Variants in PTPRK observed in about 807,000 individuals in gnomAD.
PTPRK encodes protein tyrosine phosphatase receptor type K, also known as receptor-type tyrosine-protein phosphatase kappa.
In PTPRK, 75 loss-of-function variants were observed where a neutral mutation model predicts 178.0. The observed-to-expected ratio is 0.42, with a 90% confidence interval of 0.35 to 0.51. The LOEUF (loss-of-function observed/expected upper bound fraction) is 0.51. Among genes scored for constraint, PTPRK ranks in the 20% least tolerant of loss-of-function variants. The probability of loss-of-function intolerance (pLI) is 0.02; values close to 1 mark genes in which losing one functional copy is unlikely to be tolerated. For missense variants in PTPRK, 1,441 were observed against 1,797.8 expected (o/e 0.80, Z 3.59); for synonymous variants, 637 against 620.6 (o/e 1.03, Z -0.39).
chr6:128,092,290 A>G (rs889199390), intron 7 of PTPRK, among the ~76,000 whole-genome samples: 7 of 152,198 alleles, frequency 4.6e-5, no homozygotes, highest in Non-Finnish European at 1.0e-4. Flanking sequence ...TGTTGATAAA[A>G]TAGTGACTTA....
intron 3 of PTPRK, among the ~76,000 whole-genome samples, chr6:128,289,126 A>G (rs1488631834): frequency 1.3e-5 from 2 of 152,110 alleles, no homozygotes; most frequent in Admixed American, 1.3e-4. Context: ...AAGTTCTACT[A>G]AAGATATGGA....
At chr6:128,070,478 A>C (rs959410861) in intron 11 of PTPRK, among the ~76,000 whole-genome samples, 1 of 152,084 alleles carries the variant, frequency 6.6e-6, no homozygotes, top group East Asian at 1.9e-4. Flanking sequence ...ACTGTGAGAA[A>C]TATTTCTTGT....
Position 128,184,466 on chromosome 6 carries a change from T to G in PTPRK, c.1128A>C (p.Pro376=). The G allele has an allele frequency of 6.2e-7, 1 of 1,613,698 alleles. No homozygotes were observed. Among genetic ancestry groups the G allele is most frequent in the Non-Finnish European group, 8.5e-7 (1 of 1,179,782 alleles). The part of the protein sequence containing the change: ...TRPGEGGTGL[P]GPPLITRTKC... ...TTGTTCTGGTGATTAGTGGAGGTCCTGGGAGCCCCGTTCCACCTTCACCAG... is the reference window on the plus strand; with the variant it reads ...TTGTTCTGGTGATTAGTGGAGGTCCGGGGAGCCCCGTTCCACCTTCACCAG... The change falls in exon 7 of 30, where the codon CCA becomes CCC. Residue 376 remains proline (P), a synonymous_variant. Transcript: ENST00000368226.
chr6:128,366,053 C>G (rs1460605229), intron 2 of PTPRK, among the ~76,000 whole-genome samples: 1 of 152,196 alleles, frequency 6.6e-6, no homozygotes, highest in South Asian at 2.1e-4. Context: ...GACAGATAAG[C>G]CTTTCCATAG....
At chr6:128,202,100 C>T (rs771735931) in intron 6 of PTPRK, among the ~76,000 whole-genome samples, 2 of 152,072 alleles carry the variant, frequency 1.3e-5, no homozygotes, top group Admixed American at 6.6e-5. Context: ...AGGAGAGGAA[C>T]GAAGGCAGAG....
chr6:128,172,583 G>C (rs1002374564), intron 7 of PTPRK, among the ~76,000 whole-genome samples: 1 of 151,396 alleles, frequency 6.6e-6, no homozygotes, highest in African/African-American at 2.4e-5. Context: ...GGATGTTGTA[G>C]TAAGATATCA....
intron 2 of PTPRK, among the ~76,000 whole-genome samples, chr6:128,375,513 C>A (rs972728322): frequency 6.6e-6 from 1 of 152,090 alleles, no homozygotes; most frequent in South Asian, 2.1e-4. Context: ...CCTCCCACAA[C>A]ACATGGGAAT....
chr6:128,295,235 C>T (rs1042286301), intron 3 of PTPRK, among the ~76,000 whole-genome samples: 8 of 152,034 alleles, frequency 5.3e-5, no homozygotes, highest in African/African-American at 1.7e-4. Flanking sequence ...CTTTTCTACC[C>T]TTCCAACCAC....
chr6:128,461,428 C>T (rs756726822), intron 1 of PTPRK, among the ~76,000 whole-genome samples: 1 of 151,954 alleles, frequency 6.6e-6, no homozygotes, highest in South Asian at 2.1e-4. Context: ...TGCACACACA[C>T]CAATTTTAAA....
chr6:128,382,050 G>A (rs1371704845), intron 2 of PTPRK, among the ~76,000 whole-genome samples: 1 of 150,820 alleles, frequency 6.6e-6, no homozygotes. Flanking sequence ...AGGTGTGGTG[G>A]CACACACCTG....
At chr6:128,471,363 A>AT (rs1053425545) in intron 1 of PTPRK, among the ~76,000 whole-genome samples, 1 of 151,898 alleles carries the variant, frequency 6.6e-6, no homozygotes, top group Non-Finnish European at 1.5e-5. Context: ...CAGGAAATGA[A>AT]TGGGGGGGAA....
intron 6 of PTPRK, among the ~76,000 whole-genome samples, chr6:128,209,888 G>C (rs1446750457): frequency 6.6e-6 from 1 of 152,138 alleles, no homozygotes; most frequent in Non-Finnish European, 1.5e-5. Context: ...TGAAGGGGGT[G>C]AGCCCAGCTA....
chr6:128,348,999 A>T (rs1246944189), intron 2 of PTPRK, among the ~76,000 whole-genome samples: 1 of 152,130 alleles, frequency 6.6e-6, no homozygotes, highest in Non-Finnish European at 1.5e-5. Flanking sequence ...AGAGATTTCC[A>T]TACTATACTT....
At chr6:128,301,988 CAGA>C (rs1825687532) in intron 3 of PTPRK, among the ~76,000 whole-genome samples, 6 of 152,068 alleles carry the variant, frequency 3.9e-5, no homozygotes, top group Admixed American at 3.9e-4. Flanking sequence ...TTAAGAATAG[CAGA>C]TAATACAGAT....
chr6:128,408,043 T>G (rs1841893386), intron 1 of PTPRK, among the ~76,000 whole-genome samples: 1 of 152,162 alleles, frequency 6.6e-6, no homozygotes, highest in Admixed American at 6.5e-5. Flanking sequence ...ATAAAATAAA[T>G]TATTACAATG....
At chr6:128,185,649 G>A (rs1003760854) in intron 6 of PTPRK, among the ~76,000 whole-genome samples, 1 of 152,070 alleles carries the variant, frequency 6.6e-6, no homozygotes, top group African/African-American at 2.4e-5. Context: ...TAATAAAGTA[G>A]TAATTGCTCA....
intron 2 of PTPRK, among the ~76,000 whole-genome samples, chr6:128,387,223 T>C (rs1472520177): frequency 6.6e-6 from 1 of 152,158 alleles, no homozygotes; most frequent in African/African-American, 2.4e-5. Context: ...TGACTGTATA[T>C]CCTTCACCAA....
At chr6:128,379,429 A>G (rs1562394936) in intron 2 of PTPRK, among the ~76,000 whole-genome samples, 1 of 152,190 alleles carries the variant, frequency 6.6e-6, no homozygotes, top group African/African-American at 2.4e-5. Context: ...TTATAAAAAC[A>G]TACTTCAACT....
At chr6:128,084,689 C>A (rs1429800657) in intron 8 of PTPRK, among the ~76,000 whole-genome samples, 2 of 152,172 alleles carry the variant, frequency 1.3e-5, no homozygotes, top group Non-Finnish European at 2.9e-5. Flanking sequence ...ATAAAAAATT[C>A]TTTCGCTATC....
Sources: allele counts gnomAD v4.1 joint callset (sites outside exome capture counted in the v4.1 genomes callset), GRCh38; gene constraint gnomAD v4.1.1; transcripts MANE v1.5; gene names NCBI Gene and HGNC (gene_info 2026-07-23, HGNC 2026-07-21).